WFS1: variants seen among roughly 807,000 people sequenced by gnomAD.
WFS1 encodes wolframin.
Under a neutral mutation model 68.5 loss-of-function variants are expected in WFS1, and 90 were observed. The observed-to-expected ratio is 1.31, with a 90% CI of 1.11 to 1.56. The LOEUF (loss-of-function observed/expected upper bound fraction) is 1.56, where lower values mean the gene tolerates loss of function less well. Ranked by LOEUF, WFS1 falls within the 40% of genes most tolerant of loss-of-function variation. The pLI is 0.00. For missense variants in WFS1, 1,767 were observed against 1,232.6 expected, an observed-to-expected ratio of 1.43 and a Z score of -6.49; for synonymous variants, 860 against 540.7, an observed-to-expected ratio of 1.59 and a Z score of -8.19.
At chr4:6,280,525 G>A (rs977973019) in intron 2 of WFS1, among the ~76,000 whole-genome samples, 1 of 152,206 alleles carries the variant, frequency 6.6e-6, no homozygotes, top group Non-Finnish European at 1.5e-5. Context: ...GCGAGTCCAC[G>A]CCCTGGCAGA....
intron 1 of WFS1, among the ~76,000 whole-genome samples, chr4:6,274,223 A>AT (rs1439763025): frequency 6.6e-6 from 1 of 151,416 alleles, no homozygotes; most frequent in African/African-American, 2.4e-5. Flanking sequence ...ATTTTTTTGT[A>AT]TTTTTAATAG....
intron 7 of WFS1, 69 bp from the exon 8 acceptor site, chr4:6,300,584 CAGAG>C (rs1730842281): frequency 6.2e-7 from 1 of 1,602,726 alleles, no homozygotes; most frequent in South Asian, 1.1e-5. Context: ...GCAGGGTGGT[CAGAG>C]GGAGGCGTGA....
chr4:6,293,135 C>G (rs1341651335), intron 6 of WFS1, among the ~76,000 whole-genome samples: 1 of 152,196 alleles, frequency 6.6e-6, no homozygotes, highest in Non-Finnish European at 1.5e-5. Context: ...AGTGAGGTGC[C>G]TCTGGGCAGG....
At chr4:6,295,002 C>T (rs754861372) in intron 6 of WFS1, 39 bp from the exon 7 acceptor site, 5 of 1,612,318 alleles carry the variant, frequency 3.1e-6, no homozygotes, top group Non-Finnish European at 4.2e-6. Context: ...AGTGGGGCTG[C>T]AGTGTGGGGC....
intron 7 of WFS1, among the ~76,000 whole-genome samples, chr4:6,299,808 C>T (rs1169685608): frequency 1.3e-5 from 1 of 78,824 alleles, no homozygotes; most frequent in Non-Finnish European, 2.3e-5. Context: ...TGTTTGAATG[C>T]GGGTAGGTTG....
intron 2 of WFS1, among the ~76,000 whole-genome samples, chr4:6,281,813 C>T (rs2109110793): frequency 6.6e-6 from 1 of 152,288 alleles, no homozygotes; most frequent in South Asian, 2.1e-4. Flanking sequence ...CCTGACCTGG[C>T]CCATCTGATT....
intron 2 of WFS1, among the ~76,000 whole-genome samples, chr4:6,284,707 A>G (rs773815430): frequency 2.0e-5 from 3 of 151,810 alleles, no homozygotes; most frequent in Non-Finnish European, 2.9e-5. Context: ...CACTCACTAC[A>G]AAGCATCTCT....
intron 2 of WFS1, among the ~76,000 whole-genome samples, chr4:6,278,355 C>T (rs2109108569): frequency 6.6e-6 from 1 of 152,290 alleles, no homozygotes; most frequent in East Asian, 1.9e-4. Context: ...GGCCCCTGGG[C>T]ACCTTCTCCA....
In WFS1 at chr4:6,302,368, G is replaced by C; in HGVS notation, c.2573G>C (p.Arg858Thr). 6.2e-7 allele frequency: 1 copy of C among 1,613,108 alleles called. No homozygotes were observed. Among genetic ancestry groups the C allele is most frequent in the Non-Finnish European group, 8.5e-7 (1 of 1,180,016 alleles). The change falls in exon 8 of 8, where the codon AGG (arginine) becomes ACG (threonine). Residue 858 changes from arginine to threonine, a missense_variant. Arg to Thr is a moderately conservative substitution (Grantham distance 71). Coordinates refer to ENST00000226760, the MANE Select transcript of WFS1 (RefSeq NM_006005.3). ...TGCATGGCCCAGCTCTCACCCACCAGGCGGCACGTGAAGATCGAGCACGAC... is the reference window on the plus strand; with the variant it reads ...TGCATGGCCCAGCTCTCACCCACCACGCGGCACGTGAAGATCGAGCACGAC... ...LNCMAQLSPTRRHVKIEHDWR... is the reference protein window; with the variant it reads ...LNCMAQLSPTTRHVKIEHDWR...
chr4:6,277,554 G>A lies in WFS1; in HGVS notation c.99G>A (p.Leu33=), dbSNP rs1730032866. The A allele has an allele frequency of 7.5e-6, 12 of 1,590,832 alleles. No individual in the cohort carries two copies. Among genetic ancestry groups the A allele is most frequent in the Non-Finnish European group, 1.0e-5 (12 of 1,169,394 alleles). The change falls in exon 2 of 8, where the codon TTG becomes TTA. Residue 33 remains leucine, a synonymous_variant. Transcript: ENST00000226760. ...CCCGACTCAATGCCACAGCCTCGTT[G>A]GAGCAGGAGAGGAGCGAAAGGCCCC... The part of the protein sequence containing the change: ...ARSRLNATAS[L]EQERSERPRA...
chr4:6,273,841 T>A (rs548377906), intron 1 of WFS1, among the ~76,000 whole-genome samples: 94 of 152,360 alleles, frequency 6.2e-4, no homozygotes, highest in African/African-American at 2.2e-3. Context: ...CCAGGGAACC[T>A]GAAAATTAAT....
intron 5 of WFS1, 86 bp from the exon 6 acceptor site, chr4:6,291,831 G>C (rs1730472036): frequency 1.4e-6 from 2 of 1,425,532 alleles, no homozygotes; most frequent in African/African-American, 1.4e-5. Flanking sequence ...GCGTGCCCTA[G>C]GAACAGTGCG....
At chr4:6,297,870 T>C (rs980711898) in intron 7 of WFS1, among the ~76,000 whole-genome samples, 2 of 152,148 alleles carry the variant, frequency 1.3e-5, no homozygotes, top group African/African-American at 2.4e-5. Flanking sequence ...GGAGCAGAAA[T>C]TGGGGCTTTA....
In WFS1 at chr4:6,289,070, C is replaced by T. The variant is rs757294266; in HGVS notation, c.399C>T (p.Ala133=). 9.4e-6 allele frequency: 15 copies of T among 1,592,276 alleles called. No individual in the cohort carries two copies. Among genetic ancestry groups the T allele is most frequent in the East Asian group, 2.3e-5 (1 of 43,790 alleles). The change falls in exon 4 of 8, where the codon GCC becomes GCT. Residue 133 remains alanine (A), a synonymous_variant. Transcript: ENST00000226760. Reference sequence around the variant, plus strand: ...CCGCTGTGGACTGGCTGGTCCTCGCCGCGAAGCAGGGCCGTCGCGAGGCTG... The same window carrying T: ...CCGCTGTGGACTGGCTGGTCCTCGCTGCGAAGCAGGGCCGTCGCGAGGCTG... The part of the protein sequence containing the change: ...SCTAVDWLVL[A]AKQGRREAVK...
chr4:6,281,422 T>TG lies in WFS1; in HGVS notation c.232+3739dup, dbSNP rs1435103373. Among the ~76,000 whole-genome samples the TG allele has an allele frequency of 2.6e-5, 4 of 151,360 alleles. 1 individual carries two copies. Among genetic ancestry groups the TG allele is most frequent in the Admixed American group, 2.6e-4 (4 of 15,216 alleles). ...GGAAAGGAGAGGGCATTGTCGTGAG[T>TG]GGGGCTCAGCTGTTAGATGGATTGT... is the stretch of plus-strand genomic sequence containing the variant. On this transcript the variant is annotated intron_variant, in intron 2 of 7. Coordinates refer to ENST00000226760, the MANE Select transcript of WFS1 (RefSeq NM_006005.3).
chr4:6,296,484 G>T (rs1346294035), intron 7 of WFS1, among the ~76,000 whole-genome samples: 2 of 152,244 alleles, frequency 1.3e-5, no homozygotes, highest in Non-Finnish European at 1.5e-5. Flanking sequence ...TGAACCAAGG[G>T]AGCACATGGT....
chr4:6,288,945 A>G, intron 3 of WFS1, 42 bp from the exon 4 acceptor site: 1 of 1,597,406 alleles, frequency 6.3e-7, no homozygotes, highest in Non-Finnish European at 8.5e-7. Context: ...GGGGTGGGAG[A>G]GGGTCGGAGA....
intron 2 of WFS1, among the ~76,000 whole-genome samples, chr4:6,280,921 C>T (rs1202861365): frequency 6.6e-6 from 1 of 152,226 alleles, no homozygotes; most frequent in Non-Finnish European, 1.5e-5. Context: ...GCAGCACTCT[C>T]ATCTCTACAA....
At chr4:6,278,430 C>G (rs1730060596) in intron 2 of WFS1, among the ~76,000 whole-genome samples, 1 of 152,200 alleles carries the variant, frequency 6.6e-6, no homozygotes, top group Non-Finnish European at 1.5e-5. Context: ...AGGCTCAGTC[C>G]CAGCTCATCA....
Sources: gnomAD v4.1 joint callset for allele counts (sites outside exome capture counted in the v4.1 genomes callset) on GRCh38, gnomAD v4.1.1 for gene constraint, MANE v1.5 for transcripts, NCBI Gene and HGNC (gene_info 2026-07-23, HGNC 2026-07-21) for gene names.